FAM81A: variants seen among roughly 807,000 people sequenced by gnomAD.
FAM81A encodes protein FAM81A.
A neutral mutation model predicts 46.7 loss-of-function variants in FAM81A; 19 were observed. That is an observed-to-expected ratio of 0.41 (90% CI 0.28 to 0.60). The LOEUF (loss-of-function observed/expected upper bound fraction) is 0.60, where lower values mean the gene tolerates loss of function less well. FAM81A is among the 20% of genes least tolerant of loss of function. The pLI, the probability that FAM81A is intolerant of heterozygous loss-of-function variation, is 0.34. For missense variants in FAM81A, 377 were observed against 453.5 expected, an observed-to-expected ratio of 0.83 and a Z score of 1.53; for synonymous variants, 183 against 152.9, an observed-to-expected ratio of 1.20 and a Z score of -1.45.
chr15:59,474,827 T>C (rs1460194946), intron 3 of FAM81A, among the ~76,000 whole-genome samples: 1 of 152,210 alleles, frequency 6.6e-6, no homozygotes, highest in Admixed American at 6.5e-5. Context: ...TAAACCCATG[T>C]GGCAAAACTC....
chr15:59,511,310 A>T (rs752195297), intron 6 of FAM81A, among the ~76,000 whole-genome samples: 30 of 152,214 alleles, frequency 2.0e-4, no homozygotes, highest in Non-Finnish European at 3.8e-4. Flanking sequence ...TATTCTTAGG[A>T]GTTTTTCAGG....
chr15:59,425,529 A>T (rs4419003), intron 2 of FAM81A, among the ~76,000 whole-genome samples: 125,200 of 152,256 alleles, frequency 0.82, 51,996 homozygotes, highest in African/African-American at 0.94. Flanking sequence ...GTATTATTAC[A>T]GTTACACACA....
intron 1 of FAM81A, chr15:59,401,745 C>G (rs1489065611): frequency 2.6e-6 from 2 of 766,002 alleles, no homozygotes; most frequent in African/African-American, 3.5e-5. Context: ...TAGGCAGGTA[C>G]TGCTCCCTGT....
intron 1 of FAM81A, among the ~76,000 whole-genome samples, chr15:59,449,926 T>C (rs926259375): frequency 1.2e-4 from 18 of 151,456 alleles, no homozygotes; most frequent in Admixed American, 1.1e-3. Flanking sequence ...TCTCTTTCTT[T>C]CCTTTTTTTT....
At chr15:59,426,018 A>G (rs779463983) in intron 2 of FAM81A, among the ~76,000 whole-genome samples, 7 of 152,202 alleles carry the variant, frequency 4.6e-5, no homozygotes, top group South Asian at 2.1e-4. Context: ...ACAATTTGCT[A>G]TGCAGTCAAT....
intron 8 of FAM81A, 33 bp from the exon 9 acceptor site, chr15:59,521,221 G>A: frequency 1.9e-6 from 3 of 1,587,506 alleles, no homozygotes; most frequent in Non-Finnish European, 8.6e-7. Flanking sequence ...TAAAAAAATT[G>A]TTAACTGTTG....
rs1480074957 is a variant in FAM81A, at chr15:59,516,705, A to ATCT, written c.848_849insCTT (p.Ile283_Glu284insLeu). On this transcript the variant is annotated inframe_insertion, in exon 8 of 9. Transcript: ENST00000288228. ...CCAGATGTCAGCCAGGCTTGACAAA[A>ATCT]TAGAAGAGGGTCAAAAGAAGACTTT... The ATCT allele has an allele frequency of 2.5e-6, 4 of 1,613,810 alleles. No individual in the cohort carries two copies. The highest frequency in any genetic ancestry group is 3.4e-6 in the Non-Finnish European group (4 of 1,179,806).
rs560100046 is a variant in FAM81A at position 59,457,911 on chromosome 15, A to G, written c.-77-639A>G. 1.5e-4 allele frequency among the ~76,000 whole-genome samples: 23 copies of G among 152,346 alleles called. 1 individual carries two copies. Among genetic ancestry groups the G allele is most frequent in the Admixed American group, 7.2e-4 (11 of 15,302 alleles). On this transcript the variant is annotated intron_variant, in intron 1 of 8. Coordinates refer to ENST00000288228, the MANE Select transcript of FAM81A (RefSeq NM_152450.3). Reference sequence around the variant, plus strand: ...TTTTAAACATCCTCTAGTGTTTTTCACATTTCTAATGAGTTGTGGGGACCA... The same window carrying G: ...TTTTAAACATCCTCTAGTGTTTTTCGCATTTCTAATGAGTTGTGGGGACCA...
At chr15:59,424,451 T>G (rs992273371) in intron 2 of FAM81A, among the ~76,000 whole-genome samples, 1 of 152,200 alleles carries the variant, frequency 6.6e-6, no homozygotes, top group Non-Finnish European at 1.5e-5. Context: ...TGTATACTAA[T>G]GCTAATCAAA....
At chr15:59,419,485 CCTT>C (rs1168041457) in intron 2 of FAM81A, among the ~76,000 whole-genome samples, 1 of 152,182 alleles carries the variant, frequency 6.6e-6, no homozygotes, top group Non-Finnish European at 1.5e-5. Context: ...TCTTTTCTGA[CCTT>C]CTACAGTACT....
intron 3 of FAM81A, among the ~76,000 whole-genome samples, chr15:59,463,925 A>T (rs887981354): frequency 6.6e-6 from 1 of 152,160 alleles, no homozygotes; most frequent in Non-Finnish European, 1.5e-5. Context: ...GACCAGATCA[A>T]GGTAATTTTG....
chr15:59,487,206 A>C (rs2081927830), intron 3 of FAM81A, among the ~76,000 whole-genome samples: 2 of 146,850 alleles, frequency 1.4e-5, no homozygotes, highest in Admixed American at 1.4e-4. Flanking sequence ...TATATTATAT[A>C]TATATCTTAT....
chr15:59,415,096 G>A (rs371354942), intron 2 of FAM81A, among the ~76,000 whole-genome samples: 21 of 150,438 alleles, frequency 1.4e-4, no homozygotes, highest in South Asian at 1.1e-3. Context: ...GATTACAGGC[G>A]TGAGCCACCG....
intron 3 of FAM81A, among the ~76,000 whole-genome samples, chr15:59,465,079 T>C (rs2081596196): frequency 6.6e-6 from 1 of 152,200 alleles, no homozygotes; most frequent in Non-Finnish European, 1.5e-5. Flanking sequence ...TGTCTTTCCC[T>C]CAATGAGTAT....
intron 2 of FAM81A, among the ~76,000 whole-genome samples, chr15:59,403,026 C>A (rs139874605): frequency 6.8e-6 from 1 of 147,760 alleles, no homozygotes; most frequent in Non-Finnish European, 1.5e-5. Flanking sequence ...TGTAGAGGAA[C>A]GCTACTGATT....
At chr15:59,489,491 C>G (rs2081960070) in intron 3 of FAM81A, among the ~76,000 whole-genome samples, 1 of 152,006 alleles carries the variant, frequency 6.6e-6, no homozygotes, top group African/African-American at 2.4e-5. Context: ...CTGAAGCAAT[C>G]TACAAATTCA....
intron 1 of FAM81A, among the ~76,000 whole-genome samples, chr15:59,400,375 A>T (rs1292437534): frequency 6.6e-6 from 1 of 151,912 alleles, no homozygotes; most frequent in Non-Finnish European, 1.5e-5. Context: ...CGTCCACTGC[A>T]CCCCGCACAC....
At chr15:59,509,803 A>T (rs1473367202) in intron 6 of FAM81A, among the ~76,000 whole-genome samples, 4 of 152,132 alleles carry the variant, frequency 2.6e-5, no homozygotes, top group African/African-American at 7.2e-5. Context: ...GTGACATGCA[A>T]GAAACTGAAA....
intron 2 of FAM81A, among the ~76,000 whole-genome samples, chr15:59,412,516 A>G (rs1330281801): frequency 6.6e-6 from 1 of 152,182 alleles, no homozygotes; most frequent in African/African-American, 2.4e-5. Flanking sequence ...TCTTGAGCCC[A>G]GGAATTTAAG....
Sources: gnomAD v4.1 joint callset for allele counts (sites outside exome capture counted in the v4.1 genomes callset) on GRCh38, gnomAD v4.1.1 for gene constraint, MANE v1.5 for transcripts, NCBI Gene and HGNC (gene_info 2026-07-23, HGNC 2026-07-21) for gene names.